GNAL: variants seen among roughly 807,000 people sequenced by gnomAD.
GNAL encodes the protein G protein subunit alpha L.
GNAL carries 18 observed loss-of-function variants against 55.1 expected under a neutral mutation model. That is an observed-to-expected ratio of 0.33 (90% confidence interval 0.23 to 0.48). The LOEUF (loss-of-function observed/expected upper bound fraction) is 0.48, where lower values mean the gene tolerates loss of function less well. Ranked by LOEUF, GNAL falls within the 20% of genes least tolerant of loss-of-function variation. The pLI, the probability that GNAL is intolerant of heterozygous loss-of-function variation, is 0.99. For synonymous variants in GNAL, 253 were observed against 237.0 expected, an observed-to-expected ratio of 1.07 and a Z score of -0.62; for missense variants, 412 against 614.1, an observed-to-expected ratio of 0.67 and a Z score of 3.48.
chr18:11,722,854 A>G (rs187442315), intron 1 of GNAL, among the ~76,000 whole-genome samples: 2 of 152,186 alleles, frequency 1.3e-5, no homozygotes, highest in African/African-American at 4.8e-5. Flanking sequence ...TCTATTAAAA[A>G]TACAAAATTA....
chr18:11,874,892 C>T (rs2036494925), intron 10 of GNAL, among the ~76,000 whole-genome samples: 2 of 151,498 alleles, frequency 1.3e-5, no homozygotes, highest in Admixed American at 6.6e-5. Context: ...GCTGCACCCT[C>T]CCTTCTATGA....
At chr18:11,842,762 T>A (rs1293248803) in intron 5 of GNAL, among the ~76,000 whole-genome samples, 2 of 152,200 alleles carry the variant, frequency 1.3e-5, no homozygotes, top group Non-Finnish European at 2.9e-5. Context: ...GGCACTCACC[T>A]CCTGCTGTGT....
chr18:11,876,802 G>T (rs576666307), intron 11 of GNAL, 114 bp downstream of exon 11: 8 of 729,480 alleles, frequency 1.1e-5, no homozygotes. Flanking sequence ...CATTACGAGC[G>T]ATGACAAAGG....
At chr18:11,845,683 G>T (rs1031151412) in intron 5 of GNAL, among the ~76,000 whole-genome samples, 2 of 151,620 alleles carry the variant, frequency 1.3e-5, no homozygotes, top group Non-Finnish European at 2.9e-5. Flanking sequence ...GGTAGCTTGC[G>T]CCACTCCGGG....
chr18:11,790,860 T>A (rs1442606537), intron 4 of GNAL, among the ~76,000 whole-genome samples: 1 of 152,072 alleles, frequency 6.6e-6, no homozygotes, highest in East Asian at 1.9e-4. Flanking sequence ...AGTTTCACCG[T>A]GTTAGCCAGG....
chr18:11,778,637 C>T (rs1358418064), intron 4 of GNAL, among the ~76,000 whole-genome samples: 1 of 152,110 alleles, frequency 6.6e-6, no homozygotes, highest in Non-Finnish European at 1.5e-5. Flanking sequence ...CCCATGCAGG[C>T]TCTGAGAACC....
rs909010504 is a variant in GNAL, at chr18:11,692,644, C to T, written c.376+2705C>T. On this transcript the variant is annotated intron_variant, in intron 1 of 11. Coordinates refer to ENST00000334049, the MANE Select transcript of GNAL (RefSeq NM_182978.4). Reference sequence around the variant, plus strand: ...ACTTAAAAAAAAAATAGAGACACAGCGGTGGCTCACGCCTGTAATCCCAGC... The same window carrying T: ...ACTTAAAAAAAAAATAGAGACACAGTGGTGGCTCACGCCTGTAATCCCAGC... Among the ~76,000 whole-genome samples, 60 of 152,122 alleles carry T rather than the reference C, an allele frequency of 3.9e-4. 1 individual carries two copies. The highest frequency in any genetic ancestry group is 3.1e-3 in the East Asian group (16 of 5,170).
chr18:11,855,741 G>A (rs1292908689), intron 5 of GNAL, among the ~76,000 whole-genome samples: 1 of 152,148 alleles, frequency 6.6e-6, no homozygotes, highest in Non-Finnish European at 1.5e-5. Context: ...GGGAGGCCGA[G>A]GCAGGCAGAT....
intron 11 of GNAL, among the ~76,000 whole-genome samples, chr18:11,880,034 G>A (rs545072723): frequency 1.4e-4 from 21 of 151,418 alleles, no homozygotes; most frequent in South Asian, 4.3e-4. Context: ...CGAGGCAGGC[G>A]GATCATGAGG....
rs1182146639 is a variant in GNAL, at chr18:11,883,399, A to C, written c.*2264A>C. On this transcript the variant is annotated 3_prime_UTR_variant, in exon 12 of 12. Coordinates refer to ENST00000334049, the MANE Select transcript of GNAL (RefSeq NM_182978.4). ...ATCATTACTCAACAATTACCCTCTA[A>C]CTAAACATCCTGTTTAAGAGTTTAA... is the stretch of plus-strand genomic sequence containing the variant. 6.5e-6 allele frequency: 1 copy of C among 153,328 alleles called. No homozygotes were observed. Among genetic ancestry groups the C allele is most frequent in the Non-Finnish European group, 1.5e-5 (1 of 68,034 alleles). 9.5% of individuals were successfully genotyped at this position (153,328 alleles called of 1,614,324 possible).
At chr18:11,765,280 T>G (rs1309644819) in intron 4 of GNAL, among the ~76,000 whole-genome samples, 1 of 152,240 alleles carries the variant, frequency 6.6e-6, no homozygotes, top group African/African-American at 2.4e-5. Context: ...GGTTTTTAAA[T>G]TTTTTGATGG....
intron 1 of GNAL, among the ~76,000 whole-genome samples, chr18:11,749,483 T>A (rs1024715322): frequency 6.6e-6 from 1 of 152,254 alleles, no homozygotes; most frequent in Non-Finnish European, 1.5e-5. Flanking sequence ...GAGCTGGAGT[T>A]ATCTTTCGCT....
intron 2 of GNAL, 117 bp downstream of exon 2, chr18:11,753,042 G>C (rs908260203): frequency 1.8e-5 from 11 of 595,194 alleles, no homozygotes; most frequent in Non-Finnish European, 3.0e-5. Flanking sequence ...AGACATTCAA[G>C]GGGGAAAAAA....
In GNAL at chr18:11,864,522, C is replaced by T; in HGVS notation, c.778-11C>T. ...ATGTAACTCAGCTTGTTTCCCTCTT[C>T]TTGTTCCCAGGACCTCCTCAGATGC... is the stretch of plus-strand genomic sequence containing the variant. On this transcript the variant is annotated splice_polypyrimidine_tract_variant and intron_variant, in intron 6 of 11. Transcript: ENST00000334049. 2.7e-6 allele frequency: 4 copies of T among 1,471,130 alleles called. No homozygotes were observed. The highest frequency in any genetic ancestry group is 3.8e-6 in the Non-Finnish European group (4 of 1,049,416). 91.1% of individuals were successfully genotyped at this position (1,471,130 alleles called of 1,614,324 possible).
intron 1 of GNAL, among the ~76,000 whole-genome samples, chr18:11,697,856 C>G (rs563191402): frequency 6.6e-6 from 1 of 152,178 alleles, no homozygotes; most frequent in South Asian, 2.1e-4. Flanking sequence ...GGATGTCCAG[C>G]GGGCAGTGGC....
chr18:11,852,296 A>T (rs1411919455), intron 5 of GNAL: 1 of 697,402 alleles, frequency 1.4e-6, no homozygotes, highest in African/African-American at 1.8e-5. Flanking sequence ...TCTTAGCTGG[A>T]TTCTAAAGTT....
At chr18:11,800,878 T>C (rs1366213922) in intron 4 of GNAL, among the ~76,000 whole-genome samples, 1 of 152,184 alleles carries the variant, frequency 6.6e-6, no homozygotes, top group African/African-American at 2.4e-5. Flanking sequence ...CTAAATTACT[T>C]ATGAAGTAGA....
chr18:11,848,446 C>A (rs1317568356), intron 5 of GNAL, among the ~76,000 whole-genome samples: 1 of 150,010 alleles, frequency 6.7e-6, no homozygotes, highest in Non-Finnish European at 1.5e-5. Flanking sequence ...CATACTTTTT[C>A]TTTTTTTTTC....
chr18:11,742,094 C>G (rs763422389), intron 1 of GNAL, among the ~76,000 whole-genome samples: 30 of 152,198 alleles, frequency 2.0e-4, no homozygotes, highest in Non-Finnish European at 4.0e-4. Flanking sequence ...ATTTTGCTTA[C>G]CCATTCGCCC....
Sources: gnomAD v4.1 joint callset for allele counts (sites outside exome capture counted in the v4.1 genomes callset) on GRCh38, gnomAD v4.1.1 for gene constraint, MANE v1.5 for transcripts, NCBI Gene and HGNC (gene_info 2026-07-23, HGNC 2026-07-21) for gene names.